Variants in RHOT1 observed in about 807,000 individuals in gnomAD.
RHOT1 encodes the protein mitochondrial Rho GTPase 1.
RHOT1 carries 27 observed loss-of-function variants against 95.3 expected under a neutral mutation model. The observed-to-expected ratio is 0.28, with a 90% CI of 0.21 to 0.39. RHOT1 has a LOEUF of 0.39. Ranked by LOEUF, RHOT1 falls within the 10% of genes least tolerant of loss-of-function variation. The pLI is 1.00. For missense variants in RHOT1, 578 were observed against 786.7 expected, an observed-to-expected ratio of 0.73 and a Z score of 3.17; for synonymous variants, 227 against 263.5, an observed-to-expected ratio of 0.86 and a Z score of 1.34.
intron 18 of RHOT1, chr17:32,208,877 T>C (rs2037936054): frequency 6.4e-6 from 1 of 156,024 alleles, no homozygotes; most frequent in Non-Finnish European, 1.4e-5. Flanking sequence ...TATCTATACA[T>C]GCATATGCAC....
At chr17:32,183,382 A>G (rs2035789264) in intron 8 of RHOT1, 110 bp downstream of exon 8, 4 of 508,924 alleles carry the variant, frequency 7.9e-6, no homozygotes, top group Non-Finnish European at 1.3e-5. Context: ...GCTGAAATTT[A>G]AATTTATTGC....
At chr17:32,207,219 C>T in intron 17 of RHOT1, 190 bp downstream of exon 17, 1 of 502,296 alleles carries the variant, frequency 2.0e-6, no homozygotes, top group Non-Finnish European at 3.4e-6. Context: ...ATACATATTT[C>T]TGAAAGTTTT....
chr17:32,217,885 T>C (rs1598472653), intron 19 of RHOT1, among the ~76,000 whole-genome samples: 2 of 151,970 alleles, frequency 1.3e-5, no homozygotes, highest in East Asian at 3.9e-4. Context: ...TATTTTGAGA[T>C]AGAATCTCAC....
chr17:32,185,639 C>T (rs533440630), intron 8 of RHOT1, among the ~76,000 whole-genome samples: 1 of 151,786 alleles, frequency 6.6e-6, no homozygotes, highest in South Asian at 2.1e-4. Flanking sequence ...AACTCCTAGG[C>T]TCAAGCAATG....
intron 8 of RHOT1, 48 bp downstream of exon 8, chr17:32,183,320 A>G: frequency 9.4e-7 from 1 of 1,061,436 alleles, no homozygotes; most frequent in Non-Finnish European, 1.3e-6. Flanking sequence ...TAGTAACTCT[A>G]GTATGGTAGT....
At chr17:32,200,003 C>T (rs1598424471) in intron 13 of RHOT1, among the ~76,000 whole-genome samples, 2 of 143,946 alleles carry the variant, frequency 1.4e-5, no homozygotes, top group Non-Finnish European at 3.0e-5. Context: ...AGTGTAGTGG[C>T]GTGATCTTGG....
At chr17:32,187,468 A>C (rs2036146733) in intron 8 of RHOT1, among the ~76,000 whole-genome samples, 1 of 152,150 alleles carries the variant, frequency 6.6e-6, no homozygotes, top group Non-Finnish European at 1.5e-5. Context: ...GTTTTTAAGA[A>C]TAAAAAGTTG....
intron 3 of RHOT1, among the ~76,000 whole-genome samples, chr17:32,174,131 G>A (rs1326695968): frequency 1.3e-5 from 2 of 152,076 alleles, no homozygotes; most frequent in Non-Finnish European, 1.5e-5. Flanking sequence ...TTACTAAGTT[G>A]GGTTCCATAA....
At chr17:32,198,638 G>A (rs942819798) in intron 11 of RHOT1, among the ~76,000 whole-genome samples, 43 of 152,210 alleles carry the variant, frequency 2.8e-4, no homozygotes, top group African/African-American at 1.0e-3. Flanking sequence ...GAGCCCAGGA[G>A]GTCGAGACTG....
In RHOT1 at chr17:32,178,452, G is replaced by A. The variant is rs552253474; in HGVS notation, c.329+2239G>A. Among the ~76,000 whole-genome samples, 35 of 152,140 alleles carry A rather than the reference G, an allele frequency of 2.3e-4. No homozygotes were observed. In the East Asian group the frequency reaches 3.5e-3, roughly 15 times the overall value. On this transcript the variant is annotated intron_variant, in intron 6 of 19. Transcript: ENST00000545287. ...GGTGATCTGCCTGCCGTGGCCTCCC[G>A]AGGTGCTGGGATTGCAGACGGAGTC...
At chr17:32,211,777 A>C (rs1221365351) in intron 19 of RHOT1, among the ~76,000 whole-genome samples, 1 of 152,208 alleles carries the variant, frequency 6.6e-6, no homozygotes. Flanking sequence ...AGACATGAGG[A>C]TAATAACCAA....
At chr17:32,149,145 G>C (rs2031826324) in intron 1 of RHOT1, among the ~76,000 whole-genome samples, 1 of 151,992 alleles carries the variant, frequency 6.6e-6, no homozygotes, top group Non-Finnish European at 1.5e-5. Flanking sequence ...GCTAATGAAG[G>C]ATAAGTTTTT....
intron 1 of RHOT1, chr17:32,150,493 T>A: frequency 8.5e-7 from 1 of 1,176,680 alleles, no homozygotes; most frequent in Non-Finnish European, 1.2e-6. Flanking sequence ...TGTTAGACTG[T>A]AGTCTTTAAA....
intron 6 of RHOT1, among the ~76,000 whole-genome samples, chr17:32,181,283 T>C (rs957278222): frequency 7.2e-5 from 11 of 152,210 alleles, no homozygotes; most frequent in Admixed American, 5.2e-4. Context: ...AATCTTTAAT[T>C]CCCTGCCTAC....
intron 1 of RHOT1, among the ~76,000 whole-genome samples, chr17:32,169,506 A>G (rs184443909): frequency 2.0e-5 from 3 of 152,354 alleles, no homozygotes; most frequent in Admixed American, 1.3e-4. Flanking sequence ...CCCTTTAAAT[A>G]TGATGCTCTA....
In RHOT1 at chr17:32,194,044, C is replaced by G. The variant is rs2036689317; in HGVS notation, c.806C>G (p.Thr269Ser). The change falls in exon 11 of 20, where the codon ACT becomes AGT. Residue 269 changes from threonine (T) to serine (S), a missense_variant. Physicochemically the swap from Thr to Ser is moderately conservative, Grantham distance 58 (BLOSUM62 1). Transcript: ENST00000545287. ...IQRGRHETTW[T>S]VLRRFGYDDD... The stretch of plus-strand genomic sequence containing the variant: ...AGAGGGAGACACGAAACTACTTGGA[C>G]TGTGCTTCGACGATTTGGTTATGAT... 6.2e-7 allele frequency: 1 copy of G among 1,614,140 alleles called. No homozygotes were observed. The highest frequency in any genetic ancestry group is 1.1e-5 in the South Asian group (1 of 91,070).
At chr17:32,163,916 G>A (rs2033803363) in intron 1 of RHOT1, among the ~76,000 whole-genome samples, 1 of 152,048 alleles carries the variant, frequency 6.6e-6, no homozygotes, top group Non-Finnish European at 1.5e-5. Flanking sequence ...CAGCACTTTG[G>A]GAGGCCGAGG....
chr17:32,183,081 A>G (rs2035768339), intron 7 of RHOT1, 90 bp from the exon 8 acceptor site: 11 of 1,166,272 alleles, frequency 9.4e-6, no homozygotes, highest in African/African-American at 1.6e-5. Flanking sequence ...TTTTTTTTCA[A>G]GGAATCTTTT....
At chr17:32,209,426 G>A in intron 18 of RHOT1, 2 of 1,608,396 alleles carry the variant, frequency 1.2e-6, no homozygotes, top group Non-Finnish European at 1.7e-6. Context: ...AAAAATCTGG[G>A]TCTTTCTAAA....
Sources: gnomAD v4.1 joint callset for allele counts (sites outside exome capture counted in the v4.1 genomes callset) on GRCh38, gnomAD v4.1.1 for gene constraint, MANE v1.5 for transcripts, NCBI Gene and HGNC (gene_info 2026-07-23, HGNC 2026-07-21) for gene names.